The following JPH3 variants were observed in gnomAD, a reference collection of about 807,000 sequenced individuals.
JPH3 encodes the protein junctophilin 3, also known as junctophilin-3.
Under a neutral mutation model 59.6 loss-of-function variants are expected in JPH3, and 11 were observed. That is an observed-to-expected ratio of 0.18 (90% confidence interval 0.12 to 0.31). The LOEUF (loss-of-function observed/expected upper bound fraction) is 0.31, where lower values mean the gene tolerates loss of function less well. JPH3 is among the 10% of genes least tolerant of loss of function. The pLI, the probability that JPH3 is intolerant of heterozygous loss-of-function variation, is 1.00. For missense variants in JPH3, 1,202 were observed against 1,105.7 expected (o/e 1.09, Z -1.24); for synonymous variants, 673 against 483.6 (o/e 1.39, Z -5.14).
At chr16:87,658,224 G>A (rs2032572606) in intron 2 of JPH3, among the ~76,000 whole-genome samples, 1 of 152,192 alleles carries the variant, frequency 6.6e-6, no homozygotes, top group Non-Finnish European at 1.5e-5. Flanking sequence ...TGAGGTCGCA[G>A]GGCTACCAAA....
Position 87,644,926 on chromosome 16 carries a change from C to G in JPH3, c.1051C>G (p.Leu351Val). 2 of 1,612,710 alleles carry G rather than the reference C, an allele frequency of 1.2e-6. No individual in the cohort carries two copies. Among genetic ancestry groups the G allele is most frequent in the Non-Finnish European group, 1.7e-6 (2 of 1,179,924 alleles). ...NILVGGKRKNLIPLRASKIRE... is the reference protein window; with the variant it reads ...NILVGGKRKNVIPLRASKIRE... ...CCTCGTCGGCGGCAAGCGCAAGAAC[C>G]TCATCCCCCTGCGGGCCAGCAAGAT... The change falls in exon 2 of 5, where the codon CTC (leucine) becomes GTC (valine). Residue 351 changes from leucine (L) to valine (V), a missense_variant. Leu to Val is a conservative substitution (Grantham distance 32, BLOSUM62 1). Transcript: ENST00000284262.
intron 1 of JPH3, among the ~76,000 whole-genome samples, chr16:87,613,298 A>C (rs1244309013): frequency 6.6e-6 from 1 of 150,854 alleles, no homozygotes; most frequent in Non-Finnish European, 1.5e-5. Context: ...ACGGGGTTTC[A>C]CCGTGTTAGC....
chr16:87,637,064 T>G (rs58147351), intron 1 of JPH3, among the ~76,000 whole-genome samples: 2 of 152,204 alleles, frequency 1.3e-5, no homozygotes, highest in African/African-American at 4.8e-5. Context: ...GGTCCCTGAC[T>G]GTGTTCTCAA....
chr16:87,695,315 A>C (rs571556791), intron 4 of JPH3: 1 of 455,976 alleles, frequency 2.2e-6, no homozygotes, highest in Admixed American at 2.3e-5. Context: ...AAAGGAGTCC[A>C]TGGAAAACCA....
At chr16:87,604,602 C>T (rs536328708) in intron 1 of JPH3, 6 of 1,213,932 alleles carry the variant, frequency 4.9e-6, no homozygotes, top group African/African-American at 1.6e-5. Flanking sequence ...ACTTGTGCTT[C>T]TGCCGAGAAT....
chr16:87,668,520 G>GC (rs2032933815), intron 2 of JPH3, among the ~76,000 whole-genome samples: 1 of 152,118 alleles, frequency 6.6e-6, no homozygotes, highest in Non-Finnish European at 1.5e-5. Context: ...CACTCATCCT[G>GC]CATCTGTTAC....
At chr16:87,634,669 C>G (rs1265657288) in intron 1 of JPH3, among the ~76,000 whole-genome samples, 3 of 152,196 alleles carry the variant, frequency 2.0e-5, no homozygotes, top group Non-Finnish European at 4.4e-5. Flanking sequence ...CTGGCCCGTG[C>G]CCACCCATGG....
chr16:87,680,575 G>A (rs2033264126), intron 2 of JPH3, among the ~76,000 whole-genome samples: 1 of 152,238 alleles, frequency 6.6e-6, no homozygotes, highest in Non-Finnish European at 1.5e-5. Flanking sequence ...TGACTAGGTG[G>A]AGGCACTACG....
intron 2 of JPH3, among the ~76,000 whole-genome samples, chr16:87,663,085 T>G (rs906052236): frequency 3.3e-5 from 5 of 152,040 alleles, no homozygotes; most frequent in Admixed American, 2.6e-4. Flanking sequence ...ACAGATTTCC[T>G]GGTTGTATTG....
At chr16:87,668,762 A>T (rs942243093) in intron 2 of JPH3, among the ~76,000 whole-genome samples, 1 of 151,970 alleles carries the variant, frequency 6.6e-6, no homozygotes, top group Non-Finnish European at 1.5e-5. Flanking sequence ...TCACACCATC[A>T]CAGGCCAAAG....
intron 2 of JPH3, among the ~76,000 whole-genome samples, chr16:87,645,699 G>T (rs142657631): frequency 6.6e-6 from 1 of 152,266 alleles, no homozygotes; most frequent in African/African-American, 2.4e-5. Flanking sequence ...TGGCTTTTGG[G>T]TACCTTTAGG....
At chr16:87,619,848 C>T (rs964578263) in intron 1 of JPH3, among the ~76,000 whole-genome samples, 3 of 152,108 alleles carry the variant, frequency 2.0e-5, no homozygotes, top group African/African-American at 4.8e-5. Context: ...ACGGATGGGG[C>T]GCAAGGAAGG....
At chr16:87,666,838 G>C (rs1436220342) in intron 2 of JPH3, among the ~76,000 whole-genome samples, 1 of 152,254 alleles carries the variant, frequency 6.6e-6, no homozygotes, top group Non-Finnish European at 1.5e-5. Context: ...TGGGGAAACA[G>C]AGGCCACAGA....
chr16:87,695,691 C>G, intron 4 of JPH3: 2 of 453,472 alleles, frequency 4.4e-6, no homozygotes, highest in Non-Finnish European at 8.8e-6. Context: ...CCACCCCTGC[C>G]GTCCTGGGAG....
In JPH3 at chr16:87,689,856, CCCA is replaced by C; in HGVS notation, c.1498_1500del (p.His500del). ...GCGCCCGCCGCCAGGAACAAGGTCG[CCCA>C]CTTCTCGAGGCAGGTGTCGGTGGAC... On this transcript the variant is annotated inframe_deletion, in exon 4 of 5. Transcript: ENST00000284262. The C allele has an allele frequency of 2.0e-6, 3 of 1,514,048 alleles. No homozygotes were observed. The highest frequency in any genetic ancestry group is 2.7e-6 in the Non-Finnish European group (3 of 1,131,386). 93.8% of individuals were successfully genotyped at this position (1,514,048 alleles called of 1,614,324 possible).
At chr16:87,680,123 G>A (rs1330130292) in intron 2 of JPH3, among the ~76,000 whole-genome samples, 1 of 152,268 alleles carries the variant, frequency 6.6e-6, no homozygotes, top group African/African-American at 2.4e-5. Flanking sequence ...AATGACACCT[G>A]AGGAGGAGAC....
chr16:87,682,380 G>GC (rs986184849), intron 2 of JPH3, among the ~76,000 whole-genome samples: 5 of 152,126 alleles, frequency 3.3e-5, no homozygotes, highest in Middle Eastern at 3.2e-3. Flanking sequence ...AGGTGTTTGC[G>GC]CCCCCTAGGT....
At chr16:87,685,763 CT>C (rs2033402562) in intron 3 of JPH3, among the ~76,000 whole-genome samples, 2 of 152,256 alleles carry the variant, frequency 1.3e-5, no homozygotes, top group African/African-American at 4.8e-5. Flanking sequence ...ATTCCACTGC[CT>C]GCGGCCTGTT....
intron 1 of JPH3, among the ~76,000 whole-genome samples, chr16:87,637,422 T>TGTG (rs2031791331): frequency 1.4e-5 from 2 of 147,502 alleles, no homozygotes; most frequent in Non-Finnish European, 1.5e-5. Flanking sequence ...GTGTGTGTGT[T>TGTG]TGTGTGTGTG....
Sources: gnomAD v4.1 joint callset for allele counts (sites outside exome capture counted in the v4.1 genomes callset) on GRCh38, gnomAD v4.1.1 for gene constraint, MANE v1.5 for transcripts, NCBI Gene and HGNC (gene_info 2026-07-23, HGNC 2026-07-21) for gene names.